Variants in CACNA1A observed in about 807,000 individuals in gnomAD.
CACNA1A encodes the protein voltage-dependent P/Q-type calcium channel subunit alpha-1A.
CACNA1A carries 57 observed loss-of-function variants against 262.4 expected under a neutral mutation model. The observed-to-expected ratio is 0.22, with a 90% CI of 0.18 to 0.27. The LOEUF (loss-of-function observed/expected upper bound fraction) is 0.27, where lower values mean the gene tolerates loss of function less well. Among genes scored for constraint, CACNA1A ranks in the 10% least tolerant of loss-of-function variants. The pLI is 1.00. For synonymous variants in CACNA1A, 1,431 were observed against 1,419.3 expected, an observed-to-expected ratio of 1.01 and a Z score of -0.18; for missense variants, 2,526 against 3,562.8, an observed-to-expected ratio of 0.71 and a Z score of 7.41.
intron 1 of CACNA1A, among the ~76,000 whole-genome samples, chr19:13,469,382 C>G (rs939409458): frequency 1.3e-5 from 2 of 152,006 alleles, no homozygotes; most frequent in Admixed American, 1.3e-4. Context: ...CTCCAAGCCA[C>G]TCCAGCTATG....
At chr19:13,261,327 T>A in intron 26 of CACNA1A, 123 bp downstream of exon 26, 1 of 819,200 alleles carries the variant, frequency 1.2e-6, no homozygotes. Context: ...TGGTTGCAAC[T>A]GAGTCACTTC....
chr19:13,227,341 G>A, intron 37 of CACNA1A, 90 bp downstream of exon 37: 2 of 561,266 alleles, frequency 3.6e-6, no homozygotes, highest in Non-Finnish European at 6.5e-6. Context: ...GAGTCGGCCG[G>A]GTGTTTCTGG....
chr19:13,491,079 C>T (rs752053221), intron 1 of CACNA1A, among the ~76,000 whole-genome samples: 4 of 152,234 alleles, frequency 2.6e-5, no homozygotes, highest in Non-Finnish European at 4.4e-5. Flanking sequence ...CATCGTCCCG[C>T]GACATCTCTT....
intron 30 of CACNA1A, among the ~76,000 whole-genome samples, chr19:13,251,352 A>T (rs896155574): frequency 6.6e-6 from 1 of 150,706 alleles, no homozygotes; most frequent in South Asian, 2.1e-4. Flanking sequence ...GTGTGGTGGC[A>T]GGCACCTGTA....
rs1309657917 is a variant in CACNA1A at position 13,235,730 on chromosome 19, T to C, written c.4951A>G (p.Asn1651Asp). The C allele has an allele frequency of 6.2e-7, 1 of 1,610,778 alleles. No individual in the cohort carries two copies. The highest frequency in any genetic ancestry group is 8.5e-7 in the Non-Finnish European group (1 of 1,177,166). Reference sequence around the variant, plus strand: ...AGAAAGCTCAGGTTGATGAAGTTATTCTGGGGAGATGGAGGAAGAGGGGTG... The same window carrying C: ...AGAAAGCTCAGGTTGATGAAGTTATCCTGGGGAGATGGAGGAAGAGGGGTG... ...ITDILVTEFGNNFINLSFLRL... is the reference protein window; with the variant it reads ...ITDILVTEFGDNFINLSFLRL... Residue 1651 changes from asparagine (N) to aspartate (D), a missense_variant and splice_region_variant, in exon 32 of 47, where the codon AAT (asparagine) becomes GAT (aspartate). Asn to Asp is a conservative substitution (Grantham distance 23). This residue lies in a region of CACNA1A where 66 missense variants were observed against 195.8 expected (regional missense o/e 0.34). Coordinates refer to ENST00000360228, the MANE Select transcript of CACNA1A (RefSeq NM_001127222.2).
intron 1 of CACNA1A, among the ~76,000 whole-genome samples, chr19:13,494,311 T>C (rs1981244100): frequency 6.6e-6 from 1 of 152,200 alleles, no homozygotes; most frequent in African/African-American, 2.4e-5. Context: ...AGATGTTCAG[T>C]AAATGAAAAG....
At chr19:13,304,636 AT>A (rs60226502) in intron 15 of CACNA1A, among the ~76,000 whole-genome samples, 2,689 of 122,830 alleles carry the variant, frequency 0.022, 103 homozygotes, top group African/African-American at 0.079. Context: ...AAAAAAATAG[AT>A]TTTTTTTTGA....
intron 46 of CACNA1A, 94 bp downstream of exon 46, chr19:13,208,662 C>T (rs1411608410): frequency 2.8e-6 from 4 of 1,411,842 alleles, no homozygotes; most frequent in Non-Finnish European, 3.7e-6. Context: ...ATCCGGGGAC[C>T]TTTGCCTAGA....
At chr19:13,484,795 C>T (rs991942756) in intron 1 of CACNA1A, among the ~76,000 whole-genome samples, 10 of 152,190 alleles carry the variant, frequency 6.6e-5, no homozygotes, top group Non-Finnish European at 1.2e-4. Flanking sequence ...TTCCACCATT[C>T]CCACCCCTAC....
chr19:13,491,623 A>C (rs975570971), intron 1 of CACNA1A, among the ~76,000 whole-genome samples: 3 of 152,146 alleles, frequency 2.0e-5, no homozygotes, highest in African/African-American at 7.2e-5. Flanking sequence ...CTGGTCCTAA[A>C]GCTTGGAGAG....
intron 1 of CACNA1A, among the ~76,000 whole-genome samples, chr19:13,486,078 C>T (rs749767089): frequency 3.0e-4 from 46 of 152,232 alleles, no homozygotes; most frequent in Non-Finnish European, 3.8e-4. Flanking sequence ...ACTCCTCTCA[C>T]ATGATTTTAT....
chr19:13,326,314 CA>C (rs894559194), intron 10 of CACNA1A, among the ~76,000 whole-genome samples: 3 of 141,860 alleles, frequency 2.1e-5, no homozygotes, highest in African/African-American at 2.7e-5. Flanking sequence ...GACTCCATCT[CA>C]AAAAAAAAGA....
rs1393885207 is a variant in CACNA1A, at chr19:13,207,581, G to A, written c.7253C>T (p.Ala2418Val). The A allele has an allele frequency of 4.1e-6, 6 of 1,479,138 alleles. No individual in the cohort carries two copies. Among genetic ancestry groups the A allele is most frequent in the South Asian group, 1.3e-5 (1 of 79,126 alleles). 91.6% of individuals were successfully genotyped at this position (1,479,138 alleles called of 1,614,324 possible). Residue 2418 changes from alanine (A) to valine (V), a missense_variant, in exon 47 of 47, where the codon GCC (alanine) becomes GTC (valine). By Grantham distance (64) the Ala-to-Val change is moderately conservative. Around this residue, in one of 17 missense-constraint regions of CACNA1A, gnomAD observed 929 missense variants for 868.1 expected, o/e 1.07. Transcript: ENST00000360228. The surrounding 1 kb of genome is among the most constrained non-coding windows in gnomAD (Gnocchi z 5.7). The part of the protein sequence containing the change: ...GYYRGSDYDE[A>V]DGPGSGGGEE... ...GCCGCCCCCGCTGCCCGGGCCATCG[G>A]CCTCGTCGTAGTCGGAGCCCCGGTA...
rs773412436 is a variant in CACNA1A at position 13,207,376 on chromosome 19, G to A, written c.7458C>T (p.Arg2486=). Residue 2486 remains arginine, a synonymous_variant, in exon 47 of 47, where the codon CGC becomes CGT. Coordinates refer to ENST00000360228, the MANE Select transcript of CACNA1A (RefSeq NM_001127222.2). The surrounding 1 kb of genome is among the most constrained non-coding windows in gnomAD (Gnocchi z 5.7). The part of the protein sequence containing the change: ...YYPAHGLARP[R]GPGSRKGLHE... ...GCAGGCCCTTCCTGGAGCCCGGCCC[G>A]CGGGGCCTGGCCAGTCCGTGCGCCG... 4.3e-5 allele frequency: 66 copies of A among 1,546,618 alleles called. No individual in the cohort carries two copies. The Middle Eastern group carries it at 6.7e-4, about 16-fold the overall frequency.
chr19:13,464,834 C>T (rs1485609638), intron 1 of CACNA1A, among the ~76,000 whole-genome samples: 1 of 152,156 alleles, frequency 6.6e-6, no homozygotes, highest in Non-Finnish European at 1.5e-5. Context: ...AGGCGTGAGC[C>T]ACTGCGCCCG....
intron 10 of CACNA1A, among the ~76,000 whole-genome samples, chr19:13,329,777 TTG>T (rs746757797): frequency 5.4e-4 from 78 of 145,038 alleles, no homozygotes; most frequent in Non-Finnish European, 9.4e-4. Context: ...CTGGCTCAGT[TTG>T]TGTCTTTTTT....
In CACNA1A at chr19:13,464,799, T is replaced by C. The variant is rs111499582; in HGVS notation, c.294-9587A>G. On this transcript the variant is annotated intron_variant, in intron 1 of 46. Coordinates refer to ENST00000360228, the MANE Select transcript of CACNA1A (RefSeq NM_001127222.2). ...TCCTGACCTTGTGATCTGCCCACCT[T>C]GGCCTCCCAAAGTGCTGGGATTACA... Among the ~76,000 whole-genome samples, 476 of 151,904 alleles carry C rather than the reference T, an allele frequency of 3.1e-3. 2 individuals carry two copies. Among genetic ancestry groups the C allele is most frequent in the African/African-American group, 7.5e-3 (310 of 41,464 alleles).
intron 3 of CACNA1A, chr19:13,451,594 TC>T (rs2060916406): frequency 6.6e-6 from 1 of 152,282 alleles, no homozygotes; most frequent in Admixed American, 6.5e-5. Context: ...CTTCCCAGCT[TC>T]CCTTGCAGTG....
Position 13,210,601 on chromosome 19 carries a change from C to T in CACNA1A, c.6339+16G>A. 2 of 1,559,044 alleles carry T rather than the reference C, an allele frequency of 1.3e-6. No homozygotes were observed. Among genetic ancestry groups the T allele is most frequent in the Non-Finnish European group, 1.7e-6 (2 of 1,152,528 alleles). Reference sequence around the variant, plus strand: ...GGCCGGAGCCCTGCTGGGCGCTGGGCAGGCGCGGTACATACACTGAGGTTA... The same window carrying T: ...GGCCGGAGCCCTGCTGGGCGCTGGGTAGGCGCGGTACATACACTGAGGTTA... On this transcript the variant is annotated intron_variant, in intron 44 of 46. Coordinates refer to ENST00000360228, the MANE Select transcript of CACNA1A (RefSeq NM_001127222.2).
Sources: gnomAD v4.1 joint callset for allele counts (sites outside exome capture counted in the v4.1 genomes callset) on GRCh38, gnomAD v4.1.1 for gene constraint, gnomAD v4.1.1 regional missense constraint, Gnocchi (gnomAD v3.1) non-coding constraint, MANE v1.5 for transcripts, NCBI Gene and HGNC (gene_info 2026-07-23, HGNC 2026-07-21) for gene names.